The following WWOX variants were observed in gnomAD, a reference collection of about 807,000 sequenced individuals.
The protein encoded by WWOX is WW domain containing oxidoreductase.
Under a neutral mutation model 46.2 loss-of-function variants are expected in WWOX, and 69 were observed. That is an observed-to-expected ratio of 1.49 (90% CI 1.23 to 1.82). The LOEUF (loss-of-function observed/expected upper bound fraction) is 1.82. Ranked by LOEUF, WWOX falls within the 40% of genes most tolerant of loss-of-function variation. The pLI is 0.00. For missense variants in WWOX, 919 were observed against 542.6 expected (o/e 1.69, Z -6.89); for synonymous variants, 359 against 202.6 (o/e 1.77, Z -6.56).
At chr16:78,393,353 T>C (rs931729277) in intron 6 of WWOX, among the ~76,000 whole-genome samples, 2 of 152,190 alleles carry the variant, frequency 1.3e-5, no homozygotes, top group Admixed American at 6.5e-5. Flanking sequence ...GTAATACTTT[T>C]TCTTCTTCAA....
At chr16:79,138,784 G>T (rs11647886) in intron 8 of WWOX, among the ~76,000 whole-genome samples, 25,402 of 152,116 alleles carry the variant, frequency 0.17, 3,262 homozygotes, top group African/African-American at 0.36. Context: ...ATTTCTCTTT[G>T]CAGTCACAGC....
At chr16:78,451,160 A>G (rs1451147200) in intron 8 of WWOX, among the ~76,000 whole-genome samples, 1 of 152,190 alleles carries the variant, frequency 6.6e-6, no homozygotes, top group African/African-American at 2.4e-5. Context: ...GGCCGATTTC[A>G]TCCAAAGCCA....
intron 8 of WWOX, chr16:78,535,632 C>T (rs1030796088): frequency 6.6e-6 from 1 of 152,326 alleles, no homozygotes; most frequent in South Asian, 2.1e-4. Flanking sequence ...TACCTTCTGA[C>T]TGTTAGTGAA....
intron 8 of WWOX, among the ~76,000 whole-genome samples, chr16:79,036,650 GCT>G (rs775043475): frequency 1.1e-4 from 17 of 152,308 alleles, no homozygotes; most frequent in Non-Finnish European, 2.1e-4. Context: ...GCTCTCTGAA[GCT>G]CTGTTTTTGG....
Position 78,158,887 on chromosome 16 carries a change from C to T in WWOX, c.410-5296C>T, listed in dbSNP as rs543028229. Among the ~76,000 whole-genome samples, 27 of 152,236 alleles carry T rather than the reference C, an allele frequency of 1.8e-4. No individual in the cohort carries two copies. The South Asian group carries it at 5.2e-3, about 29-fold the overall frequency. On this transcript the variant is annotated intron_variant, in intron 4 of 8. Coordinates refer to ENST00000566780, the MANE Select transcript of WWOX (RefSeq NM_016373.4). ...TGGTAGATCTCTAGGGCTTTTCCATCTGGCGTACCTGAAACTTCATACCCT... is the reference window on the plus strand; with the variant it reads ...TGGTAGATCTCTAGGGCTTTTCCATTTGGCGTACCTGAAACTTCATACCCT...
At chr16:79,009,303 T>C (rs1400061643) in intron 8 of WWOX, among the ~76,000 whole-genome samples, 1 of 152,182 alleles carries the variant, frequency 6.6e-6, no homozygotes, top group South Asian at 2.1e-4. Context: ...AGGGGCGCTT[T>C]CTGGAATCTT....
chr16:78,723,952 C>T (rs1287112205), intron 8 of WWOX, among the ~76,000 whole-genome samples: 1 of 152,138 alleles, frequency 6.6e-6, no homozygotes, highest in African/African-American at 2.4e-5. Context: ...ACAGTGGTTT[C>T]ACCATCCATC....
intron 8 of WWOX, among the ~76,000 whole-genome samples, chr16:79,001,106 T>C (rs1182257359): frequency 6.6e-6 from 1 of 152,234 alleles, no homozygotes; most frequent in Non-Finnish European, 1.5e-5. Context: ...CTATGAACTT[T>C]AATTAAACAC....
intron 8 of WWOX, among the ~76,000 whole-genome samples, chr16:79,080,822 A>T (rs1370358220): frequency 1.3e-5 from 2 of 152,194 alleles, no homozygotes; most frequent in East Asian, 1.9e-4. Flanking sequence ...TTTAAGGAAT[A>T]AAAAGGAAAA....
intron 8 of WWOX, among the ~76,000 whole-genome samples, chr16:78,592,347 A>G (rs942800597): frequency 3.5e-4 from 53 of 152,238 alleles, no homozygotes; most frequent in African/African-American, 1.2e-3. Flanking sequence ...TAAACATTCA[A>G]GCAGTCACTT....
intron 8 of WWOX, among the ~76,000 whole-genome samples, chr16:78,634,131 CT>C (rs1355997797): frequency 6.6e-6 from 1 of 152,014 alleles, no homozygotes; most frequent in African/African-American, 2.4e-5. Flanking sequence ...AGAGAGAGAC[CT>C]TTTTGTACAT....
chr16:78,477,064 T>G (rs902161975), intron 8 of WWOX, among the ~76,000 whole-genome samples: 1 of 152,168 alleles, frequency 6.6e-6, no homozygotes, highest in Admixed American at 6.5e-5. Flanking sequence ...AATTACCAGG[T>G]GATCATCTTA....
chr16:79,192,545 T>C (rs2051157668), intron 8 of WWOX, among the ~76,000 whole-genome samples: 1 of 152,206 alleles, frequency 6.6e-6, no homozygotes, highest in Non-Finnish European at 1.5e-5. Context: ...TGGTAAGGTC[T>C]CTATTGGTCA....
intron 8 of WWOX, among the ~76,000 whole-genome samples, chr16:78,589,829 G>A (rs2045308852): frequency 6.6e-6 from 1 of 152,002 alleles, no homozygotes; most frequent in African/African-American, 2.4e-5. Flanking sequence ...AATAACATGT[G>A]GACCATTAAC....
chr16:78,690,509 G>A (rs1285995222), intron 8 of WWOX, among the ~76,000 whole-genome samples: 1 of 152,120 alleles, frequency 6.6e-6, no homozygotes, highest in Non-Finnish European at 1.5e-5. Flanking sequence ...CCATGATCGT[G>A]ACACTGTACT....
intron 8 of WWOX, among the ~76,000 whole-genome samples, chr16:78,583,424 A>C (rs1053601878): frequency 2.6e-5 from 4 of 152,300 alleles, no homozygotes; most frequent in East Asian, 1.9e-4. Context: ...TGGTATCTTC[A>C]AAGGAATTTA....
At chr16:78,738,194 C>T (rs1442392487) in intron 8 of WWOX, among the ~76,000 whole-genome samples, 1 of 152,126 alleles carries the variant, frequency 6.6e-6, no homozygotes, top group South Asian at 2.1e-4. Context: ...AAGGTTGTTA[C>T]TGAGAGGAGA....
chr16:78,629,496 T>G (rs2046379755), intron 8 of WWOX, among the ~76,000 whole-genome samples: 1 of 152,200 alleles, frequency 6.6e-6, no homozygotes, highest in South Asian at 2.1e-4. Flanking sequence ...ACCACCCTAC[T>G]TGCCACTCCC....
chr16:78,655,255 G>A (rs1466449785), intron 8 of WWOX, among the ~76,000 whole-genome samples: 6 of 152,138 alleles, frequency 3.9e-5, no homozygotes, highest in Admixed American at 1.3e-4. Flanking sequence ...TCTCAGGGTG[G>A]TGGGGCGTGG....
Sources: gnomAD v4.1 joint callset for allele counts (sites outside exome capture counted in the v4.1 genomes callset) on GRCh38, gnomAD v4.1.1 for gene constraint, MANE v1.5 for transcripts, NCBI Gene and HGNC (gene_info 2026-07-23, HGNC 2026-07-21) for gene names.